The following CCDC192 variants were observed in gnomAD, a reference collection of about 807,000 sequenced individuals.
CCDC192 encodes coiled-coil domain containing 192.
chr5:127,769,438 T>C (rs535884085), intron 3 of CCDC192, among the ~76,000 whole-genome samples: 14 of 152,074 alleles, frequency 9.2e-5, no homozygotes, highest in African/African-American at 3.4e-4. Context: ...TGTGTGTGTG[T>C]GTCTGAAGCT....
chr5:127,738,663 C>G (rs1350468987), intron 2 of CCDC192, among the ~76,000 whole-genome samples: 1 of 151,808 alleles, frequency 6.6e-6, no homozygotes, highest in Non-Finnish European at 1.5e-5. Flanking sequence ...CTTCCCTTCT[C>G]GCTTCATTTC....
chr5:127,872,968 TA>T (rs1349094963), intron 5 of CCDC192, among the ~76,000 whole-genome samples: 1 of 152,202 alleles, frequency 6.6e-6, no homozygotes, highest in Non-Finnish European at 1.5e-5. Flanking sequence ...GGTAATTGAA[TA>T]TTTTTTTAAA....
At chr5:127,923,745 A>G (rs1348168993) in intron 6 of CCDC192, among the ~76,000 whole-genome samples, 1 of 152,078 alleles carries the variant, frequency 6.6e-6, no homozygotes, top group Non-Finnish European at 1.5e-5. Flanking sequence ...CTTTAGGAAT[A>G]TGATGGACAT....
At chr5:127,864,007 A>C (rs1242718783) in intron 5 of CCDC192, among the ~76,000 whole-genome samples, 1 of 152,162 alleles carries the variant, frequency 6.6e-6, no homozygotes, top group East Asian at 1.9e-4. Flanking sequence ...ACCTAGAAAA[A>C]ATCAGAGTCA....
At chr5:127,807,375 T>G (rs1013535869) in intron 5 of CCDC192, among the ~76,000 whole-genome samples, 2 of 152,158 alleles carry the variant, frequency 1.3e-5, no homozygotes, top group Non-Finnish European at 2.9e-5. Context: ...AGGTCAGTAC[T>G]TTCTCGGCAC....
Position 127,706,552 on chromosome 5 carries a change from G to C in CCDC192, c.63-1157G>C, listed in dbSNP as rs569057526. Among the ~76,000 whole-genome samples, 7 of 137,188 alleles carry C rather than the reference G, an allele frequency of 5.1e-5. No individual in the cohort carries two copies. In the South Asian group the frequency reaches 1.4e-3, roughly 27 times the overall value. The allele number at this position is 137,188 out of a possible 152,430, so 90.0% of individuals were successfully genotyped here. A position where few individuals can be genotyped will look rare whatever the true frequency, so the allele number is the denominator to read the frequency against. ...AAAAAAAAAAAAAAAAAAAAAGTAAGGCTTTATTGATTGACAACAATAGAA... is the reference window on the plus strand; with the variant it reads ...AAAAAAAAAAAAAAAAAAAAAGTAACGCTTTATTGATTGACAACAATAGAA... On this transcript the variant is annotated intron_variant, in intron 1 of 6. Transcript: ENST00000514853.
At position 127,833,053 on chromosome 5, in the gene CCDC192, A is replaced by G. The variant is rs749495961; in HGVS notation, c.411+34891A>G. Among the ~76,000 whole-genome samples the G allele has an allele frequency of 3.9e-5, 6 of 152,150 alleles. No homozygotes were observed. In the South Asian group the frequency reaches 6.2e-4, roughly 16 times the overall value. ...AGGCTTAGCCCTCTTGTAAAAGATG[A>G]TCTTATTCTTAGGTTATTGTCTGTG... On this transcript the variant is annotated intron_variant, in intron 5 of 6. Coordinates refer to ENST00000514853, the MANE Select transcript of CCDC192 (RefSeq NM_001317938.2).
chr5:127,759,723 G>A (rs913559806), intron 3 of CCDC192, among the ~76,000 whole-genome samples: 1 of 152,074 alleles, frequency 6.6e-6, no homozygotes, highest in African/African-American at 2.4e-5. Flanking sequence ...ATAAATTAAC[G>A]AGTTCCAACC....
At chr5:127,860,824 C>A (rs1236854649) in intron 5 of CCDC192, among the ~76,000 whole-genome samples, 1 of 152,164 alleles carries the variant, frequency 6.6e-6, no homozygotes, top group Non-Finnish European at 1.5e-5. Context: ...CAGAATACTT[C>A]AAGATCCCAT....
intron 2 of CCDC192, among the ~76,000 whole-genome samples, 158 bp from the exon 3 acceptor site, chr5:127,754,110 G>C (rs962242876): frequency 3.3e-5 from 5 of 152,050 alleles, no homozygotes; most frequent in Non-Finnish European, 5.9e-5. Context: ...ACATTTTGCT[G>C]TTTTATTTCC....
At chr5:127,821,758 A>G (rs1488380444) in intron 5 of CCDC192, among the ~76,000 whole-genome samples, 3 of 152,158 alleles carry the variant, frequency 2.0e-5, no homozygotes, top group African/African-American at 7.2e-5. Context: ...ACCCTTTCCT[A>G]GTAGGTGACT....
At chr5:127,779,973 A>G (rs1050918586) in intron 3 of CCDC192, among the ~76,000 whole-genome samples, 2 of 152,086 alleles carry the variant, frequency 1.3e-5, no homozygotes, top group African/African-American at 4.8e-5. Flanking sequence ...TATCAGTGAG[A>G]ACATATGACA....
chr5:127,914,814 G>C (rs777766667), intron 6 of CCDC192, among the ~76,000 whole-genome samples: 21 of 152,098 alleles, frequency 1.4e-4, no homozygotes, highest in Non-Finnish European at 2.6e-4. Flanking sequence ...TTGATGTATT[G>C]ATGGGCCGAC....
intron 3 of CCDC192, among the ~76,000 whole-genome samples, chr5:127,759,034 A>G (rs780980758): frequency 2.0e-5 from 3 of 152,184 alleles, no homozygotes; most frequent in Non-Finnish European, 2.9e-5. Context: ...CCATTTATCA[A>G]TGGCTTCTGG....
chr5:127,732,537 T>G (rs1001091027), intron 2 of CCDC192, among the ~76,000 whole-genome samples: 5 of 152,196 alleles, frequency 3.3e-5, no homozygotes, highest in Non-Finnish European at 5.9e-5. Flanking sequence ...TAAAGATATA[T>G]GCACGCATAT....
chr5:127,785,284 A>C (rs1756476011), intron 3 of CCDC192: 1 of 489,906 alleles, frequency 2.0e-6, no homozygotes, highest in African/African-American at 2.0e-5. Context: ...GGGAAGGCAA[A>C]CATACAAGAC....
chr5:127,829,382 A>ACT, intron 5 of CCDC192, among the ~76,000 whole-genome samples: 1 of 151,538 alleles, frequency 6.6e-6, no homozygotes, highest in African/African-American at 2.4e-5. Context: ...TTTTTTGGTA[A>ACT]TTATAAACAT....
chr5:127,935,462 A>G (rs1298862373), intron 6 of CCDC192: 2 of 152,248 alleles, frequency 1.3e-5, no homozygotes, highest in East Asian at 3.8e-4. Context: ...AGAAGTATTT[A>G]GAAAATCTAA....
chr5:127,824,358 C>T (rs890104429), intron 5 of CCDC192, among the ~76,000 whole-genome samples: 17 of 152,138 alleles, frequency 1.1e-4, no homozygotes, highest in African/African-American at 4.1e-4. Context: ...CCTGTTTAAG[C>T]GTGCCAGCTG....
Sources: allele counts gnomAD v4.1 joint callset (sites outside exome capture counted in the v4.1 genomes callset), GRCh38; gene constraint gnomAD v4.1.1; transcripts MANE v1.5; gene names NCBI Gene and HGNC (gene_info 2026-07-23, HGNC 2026-07-21).